Variants in MIPEP observed in about 807,000 individuals in gnomAD.
MIPEP encodes mitochondrial intermediate peptidase.
In MIPEP, 79 loss-of-function variants were observed where a neutral mutation model predicts 90.3. The ratio of observed to expected loss-of-function variants is 0.87; its 90% CI spans 0.73 to 1.05. The LOEUF (loss-of-function observed/expected upper bound fraction) is 1.05. Among genes scored for constraint, MIPEP ranks in the 50% least tolerant of loss-of-function variants. The pLI, the probability that MIPEP is intolerant of heterozygous loss-of-function variation, is 0.00. For missense variants in MIPEP, 940 were observed against 905.6 expected (o/e 1.04, Z -0.49); for synonymous variants, 334 against 315.8 (o/e 1.06, Z -0.61).
intron 7 of MIPEP, among the ~76,000 whole-genome samples, chr13:23,864,503 C>A (rs187187317): frequency 6.6e-6 from 1 of 151,828 alleles, no homozygotes; most frequent in African/African-American, 2.4e-5. Flanking sequence ...AGGCTGAGGG[C>A]AGGGGGTGGA....
chr13:23,855,076 G>C (rs1256323391), intron 10 of MIPEP, among the ~76,000 whole-genome samples: 1 of 152,136 alleles, frequency 6.6e-6, no homozygotes, highest in Non-Finnish European at 1.5e-5. Context: ...CAGAGGTAGA[G>C]ATGAGTATTC....
chr13:23,756,410 G>A (rs758771130), intron 18 of MIPEP, 135 bp downstream of exon 18: 5 of 856,166 alleles, frequency 5.8e-6, no homozygotes, highest in South Asian at 1.4e-5. Flanking sequence ...CCTCCTTGGG[G>A]CCTCCCAAAG....
chr13:23,855,222 T>C (rs1371314614), intron 10 of MIPEP, among the ~76,000 whole-genome samples: 1 of 152,236 alleles, frequency 6.6e-6, no homozygotes, highest in Non-Finnish European at 1.5e-5. Context: ...CCATGAAGAA[T>C]CTTACAATAA....
At chr13:23,839,117 T>C (rs1313209429) in intron 12 of MIPEP, among the ~76,000 whole-genome samples, 1 of 152,270 alleles carries the variant, frequency 6.6e-6, no homozygotes, top group Non-Finnish European at 1.5e-5. Flanking sequence ...GCCTCAAGTC[T>C]TCCACATAAG....
rs576253381 is a variant in MIPEP at position 23,856,508 on chromosome 13, G to A, written c.1106+2352C>T. Among the ~76,000 whole-genome samples, 8 of 152,356 alleles carry A rather than the reference G, an allele frequency of 5.3e-5. No homozygotes were observed. In the South Asian group the frequency reaches 1.7e-3, roughly 32 times the overall value. ...CCACTGTTATTTAAATGCAAATTAA[G>A]GGGTGGGTTAATGCAAATTGGGGGT... On this transcript the variant is annotated intron_variant, in intron 10 of 18. Transcript: ENST00000382172.
chr13:23,764,861 A>G (rs747483635), intron 16 of MIPEP, among the ~76,000 whole-genome samples: 1 of 152,212 alleles, frequency 6.6e-6, no homozygotes, highest in African/African-American at 2.4e-5. Flanking sequence ...TCAGCCAACT[A>G]TACTCTTAAA....
intron 16 of MIPEP, among the ~76,000 whole-genome samples, chr13:23,774,238 T>G (rs577916030): frequency 1.3e-5 from 2 of 152,244 alleles, no homozygotes; most frequent in East Asian, 3.9e-4. Flanking sequence ...TTTTTTTTTC[T>G]GGAATCTCAG....
intron 10 of MIPEP, among the ~76,000 whole-genome samples, chr13:23,853,652 C>T (rs913088534): frequency 6.6e-6 from 1 of 152,094 alleles, no homozygotes; most frequent in African/African-American, 2.4e-5. Context: ...CCTCCACCTC[C>T]CGGGTTCAAG....
intron 5 of MIPEP, among the ~76,000 whole-genome samples, chr13:23,872,818 A>G (rs4770513): frequency 0.99 from 150,775 of 152,212 alleles, 74,711 homozygotes; most frequent in South Asian, 1. Flanking sequence ...CACCCTTCAT[A>G]AGGATACATT....
At chr13:23,853,563 T>C (rs1869901442) in intron 10 of MIPEP, among the ~76,000 whole-genome samples, 1 of 142,086 alleles carries the variant, frequency 7.0e-6, no homozygotes, top group Admixed American at 7.0e-5. Context: ...CTAACGATGC[T>C]TTTTTTTTTT....
chr13:23,882,156 G>A (rs1871298425), intron 2 of MIPEP, among the ~76,000 whole-genome samples: 1 of 149,238 alleles, frequency 6.7e-6, no homozygotes, highest in African/African-American at 2.5e-5. Flanking sequence ...TGCAAGCTCC[G>A]CCTCTCGGGT....
chr13:23,786,877 T>G (rs1297625996), intron 16 of MIPEP, among the ~76,000 whole-genome samples: 3 of 152,140 alleles, frequency 2.0e-5, no homozygotes, highest in Non-Finnish European at 4.4e-5. Context: ...GCTAAAGTAG[T>G]CAAGTGCACA....
rs555178544 is a variant in MIPEP, at chr13:23,760,482, C to T, written c.1849-265G>A. On this transcript the variant is annotated intron_variant, in intron 16 of 18. Coordinates refer to ENST00000382172, the MANE Select transcript of MIPEP (RefSeq NM_005932.4). ...TATTAGGAGACACAGCCTCCAAAGA[C>T]GTGATTAAGTAAAAGTGAAGCTCTT... is the stretch of plus-strand genomic sequence containing the variant. 39 of 643,146 alleles carry T rather than the reference C, an allele frequency of 6.1e-5. 1 individual carries two copies. Among genetic ancestry groups the T allele is most frequent in the South Asian group, 2.9e-4 (21 of 71,862 alleles). The allele number at this position is 643,146 out of a possible 1,614,324, so 39.8% of individuals were successfully genotyped here. A position where few individuals can be genotyped will look rare whatever the true frequency, so the allele number is the denominator to read the frequency against.
In MIPEP at chr13:23,889,210, G is replaced by A. The variant is rs1422436013; in HGVS notation, c.111C>T (p.Ser37=). The A allele has an allele frequency of 6.9e-7, 1 of 1,444,676 alleles. No individual in the cohort carries two copies. Among genetic ancestry groups the A allele is most frequent in the Non-Finnish European group, 9.1e-7 (1 of 1,099,686 alleles). The allele number at this position is 1,444,676 out of a possible 1,614,324, so 89.5% of individuals were successfully genotyped here. A position where few individuals can be genotyped will look rare whatever the true frequency, so the allele number is the denominator to read the frequency against. ...CGGCGCCCACGGGAGACCAGCTGGT[G>A]CTGACCCTTCGGGCCCGGATCCCGG... is the stretch of plus-strand genomic sequence containing the variant. ...LEAGIRARRV[S]TSWSPVGAAF... Residue 37 remains serine, a synonymous_variant, in exon 1 of 19, where the codon AGC becomes AGT. Transcript: ENST00000382172.
chr13:23,858,374 A>C (rs1354151498), intron 10 of MIPEP, among the ~76,000 whole-genome samples: 1 of 151,540 alleles, frequency 6.6e-6, no homozygotes, highest in African/African-American at 2.4e-5. Context: ...TTCCAGATGG[A>C]CCAATAATGT....
At chr13:23,736,499 T>C (rs1236451654) in intron 18 of MIPEP, among the ~76,000 whole-genome samples, 4 of 152,168 alleles carry the variant, frequency 2.6e-5, no homozygotes, top group Admixed American at 6.5e-5. Context: ...CTGCTCAAAT[T>C]AGCGTGTTTC....
intron 14 of MIPEP, among the ~76,000 whole-genome samples, chr13:23,831,977 T>A (rs139538491): frequency 6.6e-6 from 1 of 152,248 alleles, no homozygotes; most frequent in Non-Finnish European, 1.5e-5. Context: ...TATGACAGAT[T>A]TGGGGAGAGA....
At chr13:23,775,573 C>T (rs1253359189) in intron 16 of MIPEP, among the ~76,000 whole-genome samples, 2 of 152,170 alleles carry the variant, frequency 1.3e-5, no homozygotes, top group East Asian at 3.8e-4. Flanking sequence ...AACTGTAAGG[C>T]CTTTGGGGTA....
chr13:23,856,997 G>C (rs1870073326), intron 10 of MIPEP, among the ~76,000 whole-genome samples: 1 of 151,534 alleles, frequency 6.6e-6, no homozygotes, highest in Non-Finnish European at 1.5e-5. Context: ...CTAAAAATTA[G>C]AATATTTAAT....
Sources: allele counts gnomAD v4.1 joint callset (sites outside exome capture counted in the v4.1 genomes callset), GRCh38; gene constraint gnomAD v4.1.1; transcripts MANE v1.5; gene names NCBI Gene and HGNC (gene_info 2026-07-23, HGNC 2026-07-21).